The following EPHB1 variants were observed in gnomAD, a reference collection of about 807,000 sequenced individuals.
The protein encoded by EPHB1 is ephrin type-B receptor 1.
A neutral mutation model predicts 94.4 loss-of-function variants in EPHB1; 30 were observed. The ratio of observed to expected loss-of-function variants is 0.32; its 90% CI spans 0.24 to 0.43. The LOEUF (loss-of-function observed/expected upper bound fraction) is 0.43. EPHB1 is among the 20% of genes least tolerant of loss of function. EPHB1 has a pLI of 1.00. For synonymous variants in EPHB1, 522 were observed against 489.1 expected, an observed-to-expected ratio of 1.07 and a Z score of -0.89; for missense variants, 1,055 against 1,308.3, an observed-to-expected ratio of 0.81 and a Z score of 2.99.
intron 1 of EPHB1, among the ~76,000 whole-genome samples, chr3:134,838,043 A>T (rs2036708249): frequency 1.3e-5 from 2 of 152,178 alleles, no homozygotes; most frequent in Non-Finnish European, 2.9e-5. Context: ...GGGTGGGCTC[A>T]GCTCCAGGAT....
intron 1 of EPHB1, among the ~76,000 whole-genome samples, chr3:134,917,644 A>T (rs2038601623): frequency 6.6e-6 from 1 of 152,252 alleles, no homozygotes; most frequent in Non-Finnish European, 1.5e-5. Context: ...TTAAAAGAGC[A>T]AATTTCACAG....
chr3:135,161,966 G>A (rs1323769434), intron 6 of EPHB1, 52 bp from the exon 7 acceptor site: 4 of 1,557,482 alleles, frequency 2.6e-6, no homozygotes, highest in South Asian at 1.2e-5. Context: ...AGTGGGCTGG[G>A]GGTGTAGCCT....
At chr3:134,821,145 C>T (rs2036372903) in intron 1 of EPHB1, among the ~76,000 whole-genome samples, 1 of 152,186 alleles carries the variant, frequency 6.6e-6, no homozygotes, top group Admixed American at 6.5e-5. Context: ...TGTCCCAGCC[C>T]AAAGGCATAT....
intron 12 of EPHB1, among the ~76,000 whole-genome samples, chr3:135,232,307 G>C (rs1221059463): frequency 6.6e-6 from 1 of 152,222 alleles, no homozygotes; most frequent in Non-Finnish European, 1.5e-5. Flanking sequence ...GCTCACTTTA[G>C]AGCAGTGCAG....
chr3:135,228,854 C>T (rs1412248460), intron 12 of EPHB1, among the ~76,000 whole-genome samples: 1 of 152,136 alleles, frequency 6.6e-6, no homozygotes, highest in Non-Finnish European at 1.5e-5. Flanking sequence ...CCTCCATATG[C>T]AAGGACACAC....
intron 3 of EPHB1, among the ~76,000 whole-genome samples, chr3:135,064,850 A>T (rs184760588): frequency 1.2e-4 from 18 of 152,154 alleles, no homozygotes; most frequent in African/African-American, 4.1e-4. Flanking sequence ...AGGGCTATGA[A>T]CTTTCCTCTT....
At chr3:134,805,148 G>C (rs1277781366) in intron 1 of EPHB1, among the ~76,000 whole-genome samples, 1 of 152,190 alleles carries the variant, frequency 6.6e-6, no homozygotes, top group Non-Finnish European at 1.5e-5. Flanking sequence ...ATTCCAGGTG[G>C]TTTCACGTGA....
rs1192593441 is a variant in EPHB1, at chr3:135,154,314, G to T, written c.1422+38G>T. The T allele has an allele frequency of 2.5e-6, 4 of 1,612,404 alleles. No individual in the cohort carries two copies. In the Admixed American group the frequency reaches 6.7e-5, roughly 27 times the overall value. On this transcript the variant is annotated intron_variant, in intron 6 of 15. Coordinates refer to ENST00000398015, the MANE Select transcript of EPHB1 (RefSeq NM_004441.5). ...TACCTGCAAGCTTGCAAGACCCAAG[G>T]CCAGCCACTGTTCCATGGATGGTTG... is the stretch of plus-strand genomic sequence containing the variant.
At chr3:135,240,049 G>C (rs1459343423) in intron 12 of EPHB1, among the ~76,000 whole-genome samples, 1 of 152,186 alleles carries the variant, frequency 6.6e-6, no homozygotes, top group African/African-American at 2.4e-5. Context: ...ACCAGAAACT[G>C]CTTCTCTAAC....
At chr3:134,841,863 G>A (rs2036784533) in intron 1 of EPHB1, among the ~76,000 whole-genome samples, 2 of 152,188 alleles carry the variant, frequency 1.3e-5, no homozygotes, top group African/African-American at 4.8e-5. Context: ...CATAAGCGTT[G>A]TTTGCCACTT....
intron 2 of EPHB1, among the ~76,000 whole-genome samples, chr3:134,934,148 C>T (rs527942483): frequency 2.6e-5 from 4 of 152,288 alleles, no homozygotes; most frequent in Admixed American, 2.6e-4. Flanking sequence ...AGCTTTCATA[C>T]CTGAAACATC....
chr3:135,127,542 G>A (rs1940254292), intron 4 of EPHB1, among the ~76,000 whole-genome samples: 1 of 152,148 alleles, frequency 6.6e-6, no homozygotes, highest in Admixed American at 6.5e-5. Flanking sequence ...GTACCAGCCT[G>A]AAATTTACTA....
At chr3:135,206,642 G>C (rs939317775) in intron 12 of EPHB1, among the ~76,000 whole-genome samples, 3 of 152,216 alleles carry the variant, frequency 2.0e-5, no homozygotes, top group Admixed American at 6.5e-5. Flanking sequence ...CTGAGGTCAC[G>C]AGTTCGAGAC....
intron 3 of EPHB1, among the ~76,000 whole-genome samples, chr3:135,011,995 G>T (rs1417355929): frequency 6.6e-6 from 1 of 152,064 alleles, no homozygotes; most frequent in African/African-American, 2.4e-5. Flanking sequence ...ATACTAACTT[G>T]ATTTTCATAT....
chr3:135,010,783 C>T (rs748721091), intron 3 of EPHB1, among the ~76,000 whole-genome samples: 3 of 151,798 alleles, frequency 2.0e-5, no homozygotes, highest in Non-Finnish European at 2.9e-5. Flanking sequence ...AGGCTGGTCT[C>T]GAACTCCGGA....
At chr3:135,258,283 T>C (rs913435478) in intron 15 of EPHB1, among the ~76,000 whole-genome samples, 3 of 152,226 alleles carry the variant, frequency 2.0e-5, no homozygotes, top group Non-Finnish European at 4.4e-5. Flanking sequence ...GGTTTCTCTA[T>C]TTTTATGAAA....
intron 9 of EPHB1, among the ~76,000 whole-genome samples, chr3:135,168,272 G>C (rs1323358077): frequency 6.6e-6 from 1 of 152,238 alleles, no homozygotes; most frequent in Non-Finnish European, 1.5e-5. Flanking sequence ...GAGCACTGCT[G>C]CTTTCCCACG....
intron 3 of EPHB1, among the ~76,000 whole-genome samples, chr3:135,046,411 G>A (rs1937001436): frequency 6.6e-6 from 1 of 152,196 alleles, no homozygotes; most frequent in South Asian, 2.1e-4. Context: ...GGCAGTATAT[G>A]TTTGGTAAAT....
chr3:135,173,938 CCTCCCTAATTCCCCA>C (rs1455740152), intron 9 of EPHB1, among the ~76,000 whole-genome samples: 2 of 152,120 alleles, frequency 1.3e-5, no homozygotes, highest in African/African-American at 2.4e-5. Context: ...TCATCTTGTC[CCTCCCTAATTCCCCA>C]CATCTGACTG....
Sources: allele counts gnomAD v4.1 joint callset (sites outside exome capture counted in the v4.1 genomes callset), GRCh38; gene constraint gnomAD v4.1.1; transcripts MANE v1.5; gene names NCBI Gene and HGNC (gene_info 2026-07-23, HGNC 2026-07-21).